Variants in ELP4 observed in about 807,000 individuals in gnomAD.
ELP4 encodes elongator complex protein 4.
A neutral mutation model predicts 48.9 loss-of-function variants in ELP4; 51 were observed. That is an observed-to-expected ratio of 1.04 (90% CI 0.83 to 1.32). ELP4 has a LOEUF of 1.32. ELP4 is among the 40% of genes most tolerant of loss of function. ELP4 has a pLI of 0.00. For synonymous variants in ELP4, 210 were observed against 189.2 expected, an observed-to-expected ratio of 1.11 and a Z score of -0.90; for missense variants, 519 against 514.6, an observed-to-expected ratio of 1.01 and a Z score of -0.08.
intron 2 of ELP4, among the ~76,000 whole-genome samples, chr11:31,527,500 A>G (rs969956602): frequency 3.3e-5 from 5 of 152,038 alleles, no homozygotes; most frequent in Non-Finnish European, 5.9e-5. Context: ...TTCTCTTCCT[A>G]TGGACTCTGG....
At chr11:31,763,513 C>T in intron 9 of ELP4, 1 of 1,610,736 alleles carries the variant, frequency 6.2e-7, no homozygotes, top group Non-Finnish European at 8.5e-7. Flanking sequence ...AGGTTCTTTA[C>T]AGCATTCCAC....
chr11:31,665,528 AATATT>A (rs1399190935), intron 9 of ELP4, among the ~76,000 whole-genome samples: 5 of 152,102 alleles, frequency 3.3e-5, no homozygotes, highest in South Asian at 2.1e-4. Context: ...TGCTTTCTAA[AATATT>A]ATATTATTGA....
chr11:31,717,082 GA>G (rs201524754), intron 9 of ELP4, among the ~76,000 whole-genome samples: 1 of 150,040 alleles, frequency 6.7e-6, no homozygotes, highest in Non-Finnish European at 1.5e-5. Flanking sequence ...TTGGCAGCAG[GA>G]AAAAAAAATG....
intron 9 of ELP4, among the ~76,000 whole-genome samples, chr11:31,776,718 G>T (rs1175207246): frequency 6.6e-6 from 1 of 152,196 alleles, no homozygotes; most frequent in Non-Finnish European, 1.5e-5. Flanking sequence ...CAGTGTTCCA[G>T]TGCTGAAATT....
At chr11:31,747,833 C>G (rs1252617733) in intron 9 of ELP4, among the ~76,000 whole-genome samples, 2 of 152,164 alleles carry the variant, frequency 1.3e-5, no homozygotes, top group Non-Finnish European at 2.9e-5. Context: ...ACTTATTTAA[C>G]AAATGATTAA....
intron 9 of ELP4, among the ~76,000 whole-genome samples, chr11:31,679,489 C>G (rs1200203033): frequency 1.3e-5 from 2 of 152,136 alleles, no homozygotes; most frequent in Non-Finnish European, 2.9e-5. Context: ...TTGTAGATGA[C>G]TGTTTCTCCC....
chr11:31,748,057 A>C (rs973226515), intron 9 of ELP4, among the ~76,000 whole-genome samples: 1 of 152,220 alleles, frequency 6.6e-6, no homozygotes, highest in Non-Finnish European at 1.5e-5. Flanking sequence ...AATATTTTAC[A>C]ATTGTAGATT....
chr11:31,636,645 T>A (rs879894044), intron 7 of ELP4, among the ~76,000 whole-genome samples: 32 of 151,956 alleles, frequency 2.1e-4, no homozygotes, highest in Non-Finnish European at 4.0e-4. Context: ...TTTAACTTAT[T>A]GTTATAATAA....
chr11:31,576,243 A>G (rs1175901686), intron 3 of ELP4, among the ~76,000 whole-genome samples: 1 of 152,244 alleles, frequency 6.6e-6, no homozygotes, highest in African/African-American at 2.4e-5. Context: ...AGAGCTAACT[A>G]TCCTAAATGT....
chr11:31,786,688 A>AAAAC lies in ELP4; in HGVS notation c.*3164_*3165insAAAC, dbSNP rs1218866932. 1.2e-5 allele frequency: 1 copy of AAAAC among 86,438 alleles called. No individual in the cohort carries two copies. The highest frequency in any genetic ancestry group is 2.4e-4 in the Admixed American group (1 of 4,232). 5.4% of individuals were successfully genotyped at this position (86,438 alleles called of 1,614,324 possible). A position where few individuals can be genotyped will look rare whatever the true frequency, so the allele number is the denominator to read the frequency against. Reference sequence around the variant, plus strand: ...GAATCTTAGGAAACCTAGTGATGATAGTAAGAAGAAATGGCAGTGAGCTGT... The same window carrying AAAAC: ...GAATCTTAGGAAACCTAGTGATGATAAAACGTAAGAAGAAATGGCAGTGAGCTGT... On this transcript the variant is annotated 3_prime_UTR_variant, in exon 10 of 10. Transcript: ENST00000640961.
At chr11:31,706,945 T>G in intron 9 of ELP4, 1 of 398,260 alleles carries the variant, frequency 2.5e-6, no homozygotes, top group East Asian at 3.6e-5. Context: ...ATTATTCCAT[T>G]GTGTATGTAT....
At chr11:31,514,074 T>C (rs1268989935) in intron 1 of ELP4, among the ~76,000 whole-genome samples, 1 of 152,224 alleles carries the variant, frequency 6.6e-6, no homozygotes, top group East Asian at 1.9e-4. Context: ...CAACCTCTTG[T>C]ATTCTTTTGT....
chr11:31,775,012 A>G (rs2863231), intron 9 of ELP4, among the ~76,000 whole-genome samples: 107,415 of 152,026 alleles, frequency 0.71, 39,240 homozygotes, highest in African/African-American at 0.9. Context: ...GTCCAGGATG[A>G]CTGTGTTAGC....
chr11:31,548,144 A>T (rs1421975695), intron 3 of ELP4, among the ~76,000 whole-genome samples: 1 of 151,992 alleles, frequency 6.6e-6, no homozygotes, highest in Non-Finnish European at 1.5e-5. Context: ...CAGGGCAATT[A>T]GGCAGGAGAA....
chr11:31,769,076 C>T (rs933477779), intron 9 of ELP4, among the ~76,000 whole-genome samples: 1 of 152,172 alleles, frequency 6.6e-6, no homozygotes, highest in African/African-American at 2.4e-5. Flanking sequence ...ACAATTCCCC[C>T]TTGTAAACAC....
rs185074530 is a variant in ELP4, at chr11:31,685,308, G to A, written c.1143+35087G>A. Among the ~76,000 whole-genome samples, 18 of 152,064 alleles carry A rather than the reference G, an allele frequency of 1.2e-4. No individual in the cohort carries two copies. In the East Asian group the frequency reaches 3.1e-3, roughly 26 times the overall value. On this transcript the variant is annotated intron_variant, in intron 9 of 9. Transcript: ENST00000640961. ...TGAGGTTGCAGTGAGCTGAGATCGC[G>A]CCATTGCACTCCAGCCTGGCTACAG...
rs199557681 is a variant in ELP4 at position 31,783,448 on chromosome 11, A to T, written c.1199A>T (p.Asp400Val). Reference sequence around the variant, plus strand: ...ACAGTGAGCCGCTCAAGCAAAATGGATCTGGCAGAATCCGCCAAGCGGCTG... The same window carrying T: ...ACAGTGAGCCGCTCAAGCAAAATGGTTCTGGCAGAATCCGCCAAGCGGCTG... ...SDTVSRSSKM[D>V]LAESAKRLGP... is the part of the protein sequence containing the mutation. The change falls in exon 10 of 10, where the codon GAT becomes GTT. Residue 400 changes from aspartate to valine, a missense_variant. Asp to Val is a radical substitution (Grantham distance 152). Coordinates refer to ENST00000640961, the MANE Select transcript of ELP4 (RefSeq NM_019040.5). 88 of 1,613,988 alleles carry T rather than the reference A, an allele frequency of 5.5e-5. No homozygotes were observed. The highest frequency in any genetic ancestry group is 6.8e-5 in the Non-Finnish European group (80 of 1,179,978).
chr11:31,519,033 T>G (rs1956167144), intron 1 of ELP4, among the ~76,000 whole-genome samples: 1 of 152,132 alleles, frequency 6.6e-6, no homozygotes, highest in Admixed American at 6.5e-5. Context: ...CAGGCTGGTT[T>G]TGAACTCCTG....
At chr11:31,733,280 A>C (rs924782815) in intron 9 of ELP4, among the ~76,000 whole-genome samples, 1 of 152,108 alleles carries the variant, frequency 6.6e-6, no homozygotes, top group Non-Finnish European at 1.5e-5. Context: ...GTTCAAGACC[A>C]GCCTGGCCAA....
Sources: allele counts gnomAD v4.1 joint callset (sites outside exome capture counted in the v4.1 genomes callset), GRCh38; gene constraint gnomAD v4.1.1; transcripts MANE v1.5; gene names NCBI Gene and HGNC (gene_info 2026-07-23, HGNC 2026-07-21).